SPINK9: variants seen among roughly 807,000 people sequenced by gnomAD.
SPINK9 encodes the protein serine peptidase inhibitor Kazal type 9.
A neutral mutation model predicts 10.8 loss-of-function variants in SPINK9; 3 were observed. The ratio of observed to expected loss-of-function variants is 0.28; its 90% CI spans 0.13 to 0.72. SPINK9 has a LOEUF of 0.72. SPINK9 is among the 30% of genes least tolerant of loss of function. The pLI, the probability that SPINK9 is intolerant of heterozygous loss-of-function variation, is 0.74. For missense variants in SPINK9, 101 were observed against 103.2 expected (o/e 0.98, Z 0.09); for synonymous variants, 30 against 31.2 (o/e 0.96, Z 0.12).
chr5:148,338,486 C>G lies in SPINK9; in HGVS notation c.96C>G (p.Cys32Trp). ...CAKQTKQMVDCSHYKKLPPGQ... is the reference protein window; with the variant it reads ...CAKQTKQMVDWSHYKKLPPGQ... ...TTAATATGTTTTTTCAGGTTGACTG[C>G]AGTCATTATAAAAAGTTACCACCAG... The change falls in exon 3 of 4, where the codon TGC (cysteine) becomes TGG (tryptophan). Residue 32 changes from cysteine to tryptophan, a missense_variant. By Grantham distance (215) the Cys-to-Trp change is radical. Coordinates refer to ENST00000377906, the MANE Select transcript of SPINK9 (RefSeq NM_001040433.2). 2 of 1,599,956 alleles carry G rather than the reference C, an allele frequency of 1.3e-6. No homozygotes were observed. Among genetic ancestry groups the G allele is most frequent in the Non-Finnish European group, 1.7e-6 (2 of 1,175,140 alleles).
chr5:148,327,384 C>A (rs1244441493), intron 2 of SPINK9, among the ~76,000 whole-genome samples: 3 of 151,990 alleles, frequency 2.0e-5, no homozygotes, highest in African/African-American at 7.3e-5. Context: ...TGTTTGAGTT[C>A]ATTGCAGATT....
chr5:148,339,797 G>A lies in SPINK9; in HGVS notation c.*85G>A, dbSNP rs1757266803. 2 of 1,107,734 alleles carry A rather than the reference G, an allele frequency of 1.8e-6. No homozygotes were observed. Among genetic ancestry groups the A allele is most frequent in the Admixed American group, 3.6e-5 (2 of 56,092 alleles). 68.6% of individuals were successfully genotyped at this position (1,107,734 alleles called of 1,614,324 possible). ...GTTCCCATATTATCTATGCCACATT[G>A]CCTACTCATCACCATATGTAGATTT... On this transcript the variant is annotated 3_prime_UTR_variant, in exon 4 of 4. Coordinates refer to ENST00000377906, the MANE Select transcript of SPINK9 (RefSeq NM_001040433.2).
At chr5:148,323,881 C>A in intron 2 of SPINK9, 1 of 687,074 alleles carries the variant, frequency 1.5e-6, no homozygotes, top group Non-Finnish European at 2.6e-6. Flanking sequence ...ATGTAGCCCG[C>A]GAAAGTAATT....
At chr5:148,323,604 C>A (rs796147061) in intron 1 of SPINK9, 3 of 504,172 alleles carry the variant, frequency 6.0e-6, no homozygotes, top group African/African-American at 5.8e-5. Context: ...GTAAATCATT[C>A]CCACATGGGA....
At chr5:148,336,317 T>A in intron 1 of SPINK9, 105 bp from the exon 2 acceptor site, 2 of 1,234,926 alleles carry the variant, frequency 1.6e-6, no homozygotes, top group Non-Finnish European at 2.4e-6. Flanking sequence ...GAGACTTACA[T>A]TTTTATGACA....
intron 3 of SPINK9, 53 bp from the exon 4 acceptor site, chr5:148,339,614 T>C (rs369149000): frequency 2.6e-6 from 4 of 1,518,906 alleles, no homozygotes; most frequent in East Asian, 4.5e-5. Flanking sequence ...TGGATGCTAA[T>C]GAAATGCCTA....
At chr5:148,327,718 A>C (rs1274118540) in intron 2 of SPINK9, among the ~76,000 whole-genome samples, 1 of 151,212 alleles carries the variant, frequency 6.6e-6, no homozygotes, top group Non-Finnish European at 1.5e-5. Context: ...TCAGCTTTCT[A>C]CATATGGCTA....
intron 2 of SPINK9, among the ~76,000 whole-genome samples, chr5:148,326,398 T>A (rs540311547): frequency 6.6e-6 from 1 of 152,272 alleles, no homozygotes; most frequent in African/African-American, 2.4e-5. Context: ...TGGGTATACA[T>A]CCAAAGAAAC....
At chr5:148,336,747 T>A (rs1757222499) in intron 2 of SPINK9, among the ~76,000 whole-genome samples, 1 of 152,216 alleles carries the variant, frequency 6.6e-6, no homozygotes, top group Non-Finnish European at 1.5e-5. Context: ...GCCATAGTAT[T>A]TGAAAAGAGC....
upstream of SPINK9, among the ~76,000 whole-genome samples, chr5:148,333,889 CT>C (rs1486445844): frequency 1.3e-5 from 2 of 152,152 alleles, no homozygotes; most frequent in Admixed American, 1.3e-4. Flanking sequence ...AGTTAGTATA[CT>C]TATAGCAGTT....
At chr5:148,327,799 A>G (rs1371557361) in intron 2 of SPINK9, among the ~76,000 whole-genome samples, 2 of 152,158 alleles carry the variant, frequency 1.3e-5, no homozygotes, top group African/African-American at 2.4e-5. Flanking sequence ...CAGGTTTGTC[A>G]AAGATCAGAT....
At chr5:148,325,652 G>A (rs1757049347) in intron 2 of SPINK9, among the ~76,000 whole-genome samples, 1 of 152,040 alleles carries the variant, frequency 6.6e-6, no homozygotes, top group African/African-American at 2.4e-5. Context: ...AGATACCAGT[G>A]TCTCATAAGA....
chr5:148,334,424 C>T (rs1013378373), upstream of SPINK9, among the ~76,000 whole-genome samples: 1 of 152,094 alleles, frequency 6.6e-6, no homozygotes, highest in African/African-American at 2.4e-5. Flanking sequence ...AGATAAGAGT[C>T]TTTCGGTTGG....
chr5:148,330,389 C>G (rs1757132393), intron 2 of SPINK9, among the ~76,000 whole-genome samples: 1 of 152,068 alleles, frequency 6.6e-6, no homozygotes, highest in Non-Finnish European at 1.5e-5. Flanking sequence ...TATTTTGAGC[C>G]TATGTGTTTG....
chr5:148,334,257 G>A (rs966238980), upstream of SPINK9, among the ~76,000 whole-genome samples: 1 of 151,874 alleles, frequency 6.6e-6, no homozygotes, highest in African/African-American at 2.4e-5. Context: ...AAGAATTGGG[G>A]GGGATGATTA....
chr5:148,337,159 C>T (rs1393159715), intron 2 of SPINK9, among the ~76,000 whole-genome samples: 1 of 152,126 alleles, frequency 6.6e-6, no homozygotes, highest in Non-Finnish European at 1.5e-5. Context: ...TAAAGGATTA[C>T]TGAAAGTTAC....
intron 1 of SPINK9, among the ~76,000 whole-genome samples, chr5:148,322,566 T>C (rs1757011714): frequency 6.6e-6 from 1 of 152,168 alleles, no homozygotes; most frequent in Non-Finnish European, 1.5e-5. Flanking sequence ...AGGGACCAAA[T>C]ACTATTTCCA....
rs115928117 is a variant in SPINK9, at chr5:148,322,947, G to A, written c.-72-732G>A. 4.3e-3 allele frequency among the ~76,000 whole-genome samples: 659 copies of A among 152,066 alleles called. 2 individuals carry two copies. Among genetic ancestry groups the A allele is most frequent in the Non-Finnish European group, 6.5e-3 (444 of 67,960 alleles). ...TTTCTGAAATTGAAGTCTAGATTTG[G>A]TCTACAATGGATACATTCCCAGAAT... On this transcript the variant is annotated intron_variant, in intron 1 of 4. Transcript: ENST00000511717.
At chr5:148,328,936 T>C (rs1474021693) in intron 2 of SPINK9, among the ~76,000 whole-genome samples, 1 of 152,224 alleles carries the variant, frequency 6.6e-6, no homozygotes, top group African/African-American at 2.4e-5. Flanking sequence ...TGCATCAATG[T>C]TCATCAAGGA....
Sources: gnomAD v4.1 joint callset for allele counts (sites outside exome capture counted in the v4.1 genomes callset) on GRCh38, gnomAD v4.1.1 for gene constraint, MANE v1.5 for transcripts, NCBI Gene and HGNC (gene_info 2026-07-23, HGNC 2026-07-21) for gene names.